The following DACH2 variants were observed in gnomAD, a reference collection of about 807,000 sequenced individuals.
DACH2 encodes the protein dachshund homolog 2.
DACH2 carries 17 observed loss-of-function variants against 35.8 expected under a neutral mutation model. That is an observed-to-expected ratio of 0.48 (90% CI 0.33 to 0.71). The LOEUF (loss-of-function observed/expected upper bound fraction) is 0.71. Ranked by LOEUF, DACH2 falls within the 30% of genes least tolerant of loss-of-function variation. The pLI, the probability that DACH2 is intolerant of heterozygous loss-of-function variation, is 0.02. For synonymous variants in DACH2, 195 were observed against 177.3 expected, an observed-to-expected ratio of 1.10 and a Z score of -0.79; for missense variants, 469 against 472.7, an observed-to-expected ratio of 0.99 and a Z score of 0.07.
At chrX:86,772,611 A>C (rs2041997267) in intron 7 of DACH2, among the ~76,000 whole-genome samples, 1 of 112,041 alleles carries the variant, frequency 8.9e-6, no homozygotes, top group South Asian at 3.7e-4. Context: ...TTTAAAATAA[A>C]AGAATGAAAA....
intron 1 of DACH2, among the ~76,000 whole-genome samples, chrX:86,318,464 A>G (rs1215269636): frequency 8.9e-6 from 1 of 111,818 alleles, no homozygotes; most frequent in Non-Finnish European, 1.9e-5. Flanking sequence ...TGTAAATGAC[A>G]AAATGTCCAG....
chrX:86,424,009 T>C (rs2036849723), intron 2 of DACH2, among the ~76,000 whole-genome samples: 1 of 111,387 alleles, frequency 9.0e-6, no homozygotes, highest in African/African-American at 3.3e-5. Context: ...TGTGGATTTG[T>C]TTCTGGGTTC....
At chrX:86,824,226 A>C (rs1315271411) in intron 11 of DACH2, among the ~76,000 whole-genome samples, 1 of 110,682 alleles carries the variant, frequency 9.0e-6, no homozygotes, top group Non-Finnish European at 1.9e-5. Context: ...CCAGGAATGC[A>C]TTCTTCTCCA....
In DACH2 at chrX:86,751,384, G is replaced by C. The variant is rs140386340; in HGVS notation, c.1240+11502G>C. ...ACTAAAGACAAAAACCACATGATTT[G>C]CTAAGTGAGACTAGTGTGAAAAAAA... On this transcript the variant is annotated intron_variant, in intron 7 of 11. Transcript: ENST00000373125. Among the ~76,000 whole-genome samples, 723 of 110,830 alleles carry C rather than the reference G, an allele frequency of 6.5e-3. 4 individuals are homozygous for C. The highest frequency in any genetic ancestry group is 9.9e-3 in the Non-Finnish European group (520 of 52,765).
At chrX:86,535,937 T>G (rs2038792293) in intron 3 of DACH2, among the ~76,000 whole-genome samples, 1 of 111,404 alleles carries the variant, frequency 9.0e-6, no homozygotes, top group African/African-American at 3.3e-5. Context: ...TTTATCTACC[T>G]TATGACCTTG....
At chrX:86,270,223 A>G (rs2033791568) in intron 1 of DACH2, among the ~76,000 whole-genome samples, 1 of 109,155 alleles carries the variant, frequency 9.2e-6, no homozygotes, top group Admixed American at 1.0e-4. Flanking sequence ...GAAGATGGAT[A>G]TCAGAACCTA....
chrX:86,376,480 C>A (rs1445927374), intron 1 of DACH2, among the ~76,000 whole-genome samples: 1 of 110,546 alleles, frequency 9.0e-6, no homozygotes, highest in Non-Finnish European at 1.9e-5. Flanking sequence ...CCCAAGGCCA[C>A]TTTCTTCAAC....
At chrX:86,330,753 T>C (rs2035197927) in intron 1 of DACH2, among the ~76,000 whole-genome samples, 1 of 111,902 alleles carries the variant, frequency 8.9e-6, no homozygotes, top group Non-Finnish European at 1.9e-5. Flanking sequence ...TATGTTTGCA[T>C]GTTTTTGTGA....
chrX:86,306,696 A>G (rs750151879), intron 1 of DACH2, among the ~76,000 whole-genome samples: 11 of 111,829 alleles, frequency 9.8e-5, no homozygotes, highest in South Asian at 3.8e-4. Context: ...CAATTTTGCA[A>G]CTTGGACTGG....
intron 3 of DACH2, among the ~76,000 whole-genome samples, chrX:86,543,664 A>G (rs2038916840): frequency 9.0e-6 from 1 of 110,684 alleles, no homozygotes; most frequent in Non-Finnish European, 1.9e-5. Context: ...AAATTCTTCA[A>G]GAATGTCAGA....
chrX:86,445,686 T>A (rs1360002819), intron 2 of DACH2, among the ~76,000 whole-genome samples: 1 of 110,121 alleles, frequency 9.1e-6, no homozygotes, highest in Non-Finnish European at 1.9e-5. Context: ...TTTCTTCTAT[T>A]ACTGATTTCT....
intron 7 of DACH2, among the ~76,000 whole-genome samples, chrX:86,741,261 C>T (rs2030707366): frequency 9.0e-6 from 1 of 111,366 alleles, no homozygotes; most frequent in Admixed American, 9.6e-5. Flanking sequence ...GTCCAAATCT[C>T]ACTTAGCTTG....
At chrX:86,209,513 T>C (rs1353982588) in intron 1 of DACH2, among the ~76,000 whole-genome samples, 3 of 111,911 alleles carry the variant, frequency 2.7e-5, no homozygotes, top group Non-Finnish European at 5.6e-5. Context: ...CAAGGGGCTT[T>C]ATGTGATTTA....
chrX:86,548,276 T>C (rs2039002439), intron 3 of DACH2, among the ~76,000 whole-genome samples: 1 of 111,379 alleles, frequency 9.0e-6, no homozygotes, highest in South Asian at 3.7e-4. Context: ...TTTTTTATGA[T>C]CCATATTGCT....
chrX:86,266,830 A>G (rs1489312518), intron 1 of DACH2, among the ~76,000 whole-genome samples: 1 of 106,828 alleles, frequency 9.4e-6, no homozygotes, highest in Admixed American at 9.6e-5. Context: ...CCATGTAACT[A>G]TCAGTTACTA....
intron 1 of DACH2, among the ~76,000 whole-genome samples, chrX:86,302,881 T>A (rs187603614): frequency 1.2e-3 from 132 of 109,679 alleles, no homozygotes; most frequent in Non-Finnish European, 1.6e-3. Context: ...AGATGATAAA[T>A]GATAATAATA....
At chrX:86,398,768 T>C (rs2036355838) in intron 2 of DACH2, among the ~76,000 whole-genome samples, 1 of 112,005 alleles carries the variant, frequency 8.9e-6, no homozygotes, top group South Asian at 3.7e-4. Flanking sequence ...TTTGTTACAA[T>C]TTCTGTTCTT....
At chrX:86,218,141 A>G (rs995652758) in intron 1 of DACH2, among the ~76,000 whole-genome samples, 1 of 111,801 alleles carries the variant, frequency 8.9e-6, no homozygotes, top group Non-Finnish European at 1.9e-5. Context: ...CAGTTAGTAT[A>G]AGGAATAGGC....
intron 4 of DACH2, among the ~76,000 whole-genome samples, chrX:86,682,331 G>A (rs2040890104): frequency 8.9e-6 from 1 of 112,061 alleles, no homozygotes; most frequent in Non-Finnish European, 1.9e-5. Flanking sequence ...TAGTGTGTGT[G>A]TTCTGGAGTC....
Sources: allele counts gnomAD v4.1 joint callset (sites outside exome capture counted in the v4.1 genomes callset), GRCh38; gene constraint gnomAD v4.1.1; transcripts MANE v1.5; gene names NCBI Gene and HGNC (gene_info 2026-07-23, HGNC 2026-07-21).